Variants in UST observed in about 807,000 individuals in gnomAD.
UST encodes the protein chondroitin sulfate 2-O-sulfotransferase.
Under a neutral mutation model 45.6 loss-of-function variants are expected in UST, and 21 were observed. That is an observed-to-expected ratio of 0.46 (90% confidence interval 0.33 to 0.66). UST has a LOEUF of 0.66. Among genes scored for constraint, UST ranks in the 30% least tolerant of loss-of-function variants. The pLI is 0.02. For synonymous variants in UST, 215 were observed against 200.6 expected, an observed-to-expected ratio of 1.07 and a Z score of -0.61; for missense variants, 463 against 512.4, an observed-to-expected ratio of 0.90 and a Z score of 0.93.
intron 1 of UST, among the ~76,000 whole-genome samples, chr6:148,764,937 C>G (rs1426678992): frequency 1.3e-5 from 2 of 152,116 alleles, no homozygotes; most frequent in Non-Finnish European, 2.9e-5. Flanking sequence ...TGTTTCATCC[C>G]TATCTATATC....
intron 7 of UST, among the ~76,000 whole-genome samples, chr6:149,058,399 G>A (rs748670158): frequency 2.9e-4 from 44 of 151,684 alleles, no homozygotes; most frequent in Admixed American, 2.1e-3. Flanking sequence ...ATGTGCGCGC[G>A]CGTGTGTCTG....
intron 1 of UST, among the ~76,000 whole-genome samples, chr6:148,769,750 TTGTG>T (rs57316536): frequency 0.32 from 46,822 of 148,068 alleles, 7,229 homozygotes; most frequent in African/African-American, 0.34. Flanking sequence ...GAGCCTGTGT[TTGTG>T]TGTGTGTGTG....
At chr6:148,827,338 T>C (rs1305388978) in intron 1 of UST, among the ~76,000 whole-genome samples, 2 of 152,056 alleles carry the variant, frequency 1.3e-5, no homozygotes, top group South Asian at 4.1e-4. Flanking sequence ...AAGAAGAGTC[T>C]GGGGCCGGCC....
At position 149,073,951 on chromosome 6, in the gene UST, A is replaced by G. The variant is rs1201378406; in HGVS notation, c.1056A>G (p.Lys352=). ...RYEYEFYHYV[K]EQFHLLKRKF... ...AGTACGAGTTTTACCACTACGTCAA[A>G]GAGCAGTTCCACCTGCTGAAGCGCA... Residue 352 remains lysine, a synonymous_variant, in exon 8 of 8, where the codon AAA becomes AAG. Transcript: ENST00000367463. The G allele has an allele frequency of 1.2e-6, 2 of 1,614,188 alleles. No individual in the cohort carries two copies. Among genetic ancestry groups the G allele is most frequent in the Admixed American group, 3.3e-5 (2 of 60,014 alleles).
At chr6:148,883,947 C>T (rs1386271338) in intron 1 of UST, among the ~76,000 whole-genome samples, 1 of 152,132 alleles carries the variant, frequency 6.6e-6, no homozygotes, top group Non-Finnish European at 1.5e-5. Flanking sequence ...GCCTGGCCAA[C>T]ATGGAGAAAC....
chr6:149,054,777 G>A (rs1220865232), intron 7 of UST, among the ~76,000 whole-genome samples: 1 of 152,168 alleles, frequency 6.6e-6, no homozygotes, highest in African/African-American at 2.4e-5. Flanking sequence ...TTTCTCCAAA[G>A]AGAAATGACG....
chr6:148,775,922 G>A (rs2114681163), intron 1 of UST, among the ~76,000 whole-genome samples: 1 of 152,270 alleles, frequency 6.6e-6, no homozygotes, highest in South Asian at 2.1e-4. Flanking sequence ...GTGAGCCACT[G>A]CGCCCGGCCT....
chr6:148,915,974 CA>C (rs888562592), intron 2 of UST, among the ~76,000 whole-genome samples: 3 of 139,378 alleles, frequency 2.2e-5, no homozygotes, highest in African/African-American at 7.4e-5. Context: ...AAACATGAAA[CA>C]AATAGCTTCT....
chr6:148,935,770 A>G (rs1780013248), intron 2 of UST, among the ~76,000 whole-genome samples: 1 of 152,184 alleles, frequency 6.6e-6, no homozygotes, highest in Non-Finnish European at 1.5e-5. Context: ...AAAAGTATAC[A>G]TCCTGCCACC....
chr6:148,887,747 A>G (rs1277723126), intron 2 of UST, among the ~76,000 whole-genome samples: 1 of 152,056 alleles, frequency 6.6e-6, no homozygotes, highest in Non-Finnish European at 1.5e-5. Flanking sequence ...CTAGGAAATG[A>G]TGGGGATTGT....
chr6:148,921,258 T>C (rs777693181), intron 2 of UST, among the ~76,000 whole-genome samples: 2 of 152,228 alleles, frequency 1.3e-5, no homozygotes, highest in Non-Finnish European at 2.9e-5. Flanking sequence ...GTAGTCTCTC[T>C]GGGAAGATTA....
intron 1 of UST, among the ~76,000 whole-genome samples, chr6:148,792,263 C>T (rs1776863879): frequency 6.6e-6 from 1 of 152,118 alleles, no homozygotes; most frequent in South Asian, 2.1e-4. Flanking sequence ...TGGCACCGTG[C>T]AGACCAAAAT....
chr6:148,923,923 C>T lies in UST; in HGVS notation c.292-17356C>T, dbSNP rs115330324. ...CAAAGGATTTAATGCCCCTGGACCT[C>T]GGTTTCCTCGTCAGTAAATAATATT... On this transcript the variant is annotated intron_variant, in intron 2 of 7. Transcript: ENST00000367463. Among the ~76,000 whole-genome samples, 758 of 152,264 alleles carry T rather than the reference C, an allele frequency of 5.0e-3. 4 individuals are homozygous for T. The highest frequency in any genetic ancestry group is 0.017 in the Middle Eastern group (5 of 294).
At chr6:148,811,641 C>T (rs138384598) in intron 1 of UST, among the ~76,000 whole-genome samples, 1 of 152,310 alleles carries the variant, frequency 6.6e-6, no homozygotes, top group East Asian at 1.9e-4. Flanking sequence ...TCACTTGGCT[C>T]ACCCACATGG....
At chr6:149,056,750 A>G (rs147239236) in intron 7 of UST, among the ~76,000 whole-genome samples, 13 of 152,342 alleles carry the variant, frequency 8.5e-5, no homozygotes, top group African/African-American at 2.9e-4. Context: ...AAGTACATTT[A>G]ATTTTAAAGT....
chr6:149,002,599 C>T (rs944851895), intron 5 of UST, among the ~76,000 whole-genome samples: 8 of 152,122 alleles, frequency 5.3e-5, no homozygotes, highest in African/African-American at 1.9e-4. Flanking sequence ...CTCCGCCTCC[C>T]GGGTTCAAGC....
chr6:148,854,746 T>A (rs1417626588), intron 1 of UST, among the ~76,000 whole-genome samples: 1 of 152,150 alleles, frequency 6.6e-6, no homozygotes, highest in African/African-American at 2.4e-5. Flanking sequence ...GATCATGGTG[T>A]AATACACAAA....
intron 1 of UST, among the ~76,000 whole-genome samples, chr6:148,774,984 C>G (rs2114679585): frequency 6.6e-6 from 1 of 152,156 alleles, no homozygotes; most frequent in South Asian, 2.1e-4. Context: ...CGCCACTACA[C>G]TCCAGCCTGG....
chr6:149,037,727 G>T (rs929287071), intron 7 of UST, among the ~76,000 whole-genome samples: 1 of 152,246 alleles, frequency 6.6e-6, no homozygotes, highest in African/African-American at 2.4e-5. Flanking sequence ...GCAGCATTTG[G>T]AAGCTTTGAT....
Sources: gnomAD v4.1 joint callset for allele counts (sites outside exome capture counted in the v4.1 genomes callset) on GRCh38, gnomAD v4.1.1 for gene constraint, MANE v1.5 for transcripts, NCBI Gene and HGNC (gene_info 2026-07-23, HGNC 2026-07-21) for gene names.